The following DCC variants were observed in gnomAD, a reference collection of about 807,000 sequenced individuals.
DCC encodes the protein DCC netrin 1 receptor.
A neutral mutation model predicts 172.5 loss-of-function variants in DCC; 58 were observed. The observed-to-expected ratio is 0.34, with a 90% CI of 0.27 to 0.42. The LOEUF (loss-of-function observed/expected upper bound fraction) is 0.42, where lower values mean the gene tolerates loss of function less well. Ranked by LOEUF, DCC falls within the 10% of genes least tolerant of loss-of-function variation. The probability of loss-of-function intolerance (pLI) is 1.00; values close to 1 mark genes in which losing one functional copy is unlikely to be tolerated. For synonymous variants in DCC, 709 were observed against 644.5 expected, an observed-to-expected ratio of 1.10 and a Z score of -1.52; for missense variants, 1,740 against 1,791.0, an observed-to-expected ratio of 0.97 and a Z score of 0.51.
rs1166473438 is a variant in DCC, at chr18:52,523,259, A to C, written c.91+182381A>C. 2.0e-5 allele frequency among the ~76,000 whole-genome samples: 3 copies of C among 152,268 alleles called. No individual in the cohort carries two copies. In the East Asian group the frequency reaches 5.8e-4, roughly 29 times the overall value. ...GAACATGGAGATTTCTGGGTTTCCC[A>C]TCAGACATTTTGATTCTGGCACCCT... On this transcript the variant is annotated intron_variant, in intron 1 of 28. Transcript: ENST00000442544.
intron 5 of DCC, among the ~76,000 whole-genome samples, chr18:52,986,428 T>C (rs2145613294): frequency 6.6e-6 from 1 of 152,298 alleles, no homozygotes; most frequent in Admixed American, 6.5e-5. Context: ...TTTAAATCTC[T>C]GAGTCTTAGT....
chr18:53,370,896 T>C (rs2058054653), intron 15 of DCC, among the ~76,000 whole-genome samples: 1 of 151,854 alleles, frequency 6.6e-6, no homozygotes. Context: ...ATTTATCTTA[T>C]GATTCATGCT....
At chr18:53,202,290 A>G (rs778945477) in intron 9 of DCC, among the ~76,000 whole-genome samples, 1 of 152,214 alleles carries the variant, frequency 6.6e-6, no homozygotes, top group Non-Finnish European at 1.5e-5. Flanking sequence ...TCACAGGGAC[A>G]GAGAAAAACG....
intron 7 of DCC, among the ~76,000 whole-genome samples, chr18:53,128,850 C>CAT (rs2043604802): frequency 1.5e-5 from 1 of 68,666 alleles, no homozygotes; most frequent in Non-Finnish European, 2.8e-5. Context: ...CACACACACA[C>CAT]ACACACACAC....
chr18:52,755,526 A>G (rs1386172273), intron 2 of DCC, among the ~76,000 whole-genome samples: 1 of 152,190 alleles, frequency 6.6e-6, no homozygotes, highest in Non-Finnish European at 1.5e-5. Flanking sequence ...AACACTTACC[A>G]TGCTGTTTGG....
chr18:52,841,292 A>AT (rs1555671979), intron 2 of DCC, among the ~76,000 whole-genome samples: 5 of 139,988 alleles, frequency 3.6e-5, no homozygotes, highest in Non-Finnish European at 7.4e-5. Context: ...TGCTTAAAAA[A>AT]AAAACAACAC....
At chr18:52,743,357 G>C (rs1450431798) in intron 1 of DCC, among the ~76,000 whole-genome samples, 3 of 152,082 alleles carry the variant, frequency 2.0e-5, no homozygotes, top group Non-Finnish European at 4.4e-5. Flanking sequence ...TCAAACCCAG[G>C]GCAGATTAAG....
chr18:52,494,428 C>T lies in DCC; in HGVS notation c.91+153550C>T, dbSNP rs2030661501. Among the ~76,000 whole-genome samples, 4 of 151,782 alleles carry T rather than the reference C, an allele frequency of 2.6e-5. No homozygotes were observed. In the East Asian group the frequency reaches 5.8e-4, roughly 22 times the overall value. On this transcript the variant is annotated intron_variant, in intron 1 of 28. Coordinates refer to ENST00000442544, the MANE Select transcript of DCC (RefSeq NM_005215.4). ...TTATGTCTTCAAAGATTGCTTTTGC[C>T]TCATTTTCTTTCTCCTAATAGTATT...
chr18:52,879,966 A>G (rs888694527), intron 2 of DCC, among the ~76,000 whole-genome samples: 1 of 152,140 alleles, frequency 6.6e-6, no homozygotes, highest in African/African-American at 2.4e-5. Context: ...TGTGGTATGT[A>G]ATAATTATGT....
At chr18:52,887,585 T>G (rs1274082768) in intron 2 of DCC, among the ~76,000 whole-genome samples, 1 of 152,180 alleles carries the variant, frequency 6.6e-6, no homozygotes, top group East Asian at 1.9e-4. Context: ...ACGAATGTTT[T>G]AAAAAGTTGC....
intron 1 of DCC, among the ~76,000 whole-genome samples, chr18:52,616,555 G>A (rs1238301044): frequency 6.6e-6 from 1 of 151,996 alleles, no homozygotes; most frequent in Non-Finnish European, 1.5e-5. Flanking sequence ...AATTACATTT[G>A]CATTTGAGAG....
At chr18:52,547,802 C>T (rs1238892070) in intron 1 of DCC, among the ~76,000 whole-genome samples, 3 of 152,068 alleles carry the variant, frequency 2.0e-5, no homozygotes, top group East Asian at 1.9e-4. Context: ...GGACAATCAT[C>T]GGGACACATT....
chr18:53,408,707 T>C (rs1302590419), intron 19 of DCC, among the ~76,000 whole-genome samples: 1 of 152,204 alleles, frequency 6.6e-6, no homozygotes, highest in Non-Finnish European at 1.5e-5. Flanking sequence ...CAACATATCC[T>C]GTCTTGGGGT....
At chr18:52,420,427 C>T (rs1987208445) in intron 1 of DCC, among the ~76,000 whole-genome samples, 1 of 152,130 alleles carries the variant, frequency 6.6e-6, no homozygotes, top group Non-Finnish European at 1.5e-5. Context: ...AAGTATGGTC[C>T]ACAGTCTCCT....
intron 9 of DCC, among the ~76,000 whole-genome samples, chr18:53,200,079 G>A (rs536306769): frequency 6.6e-6 from 1 of 152,174 alleles, no homozygotes; most frequent in East Asian, 1.9e-4. Context: ...AATACTTAAA[G>A]TAAATGATCC....
chr18:52,480,800 C>G (rs1019200092), intron 1 of DCC, among the ~76,000 whole-genome samples: 1 of 152,024 alleles, frequency 6.6e-6, no homozygotes, highest in Non-Finnish European at 1.5e-5. Flanking sequence ...CCCTGTCATC[C>G]AAATTAGCCA....
chr18:52,847,216 T>C (rs1426221636), intron 2 of DCC, among the ~76,000 whole-genome samples: 4 of 152,232 alleles, frequency 2.6e-5, no homozygotes, highest in Non-Finnish European at 5.9e-5. Flanking sequence ...CTTGTATTAA[T>C]CTCTGTGTTT....
rs201234438 is a variant in DCC at position 52,923,718 on chromosome 18, C to T, written c.709C>T (p.His237Tyr). 6.0e-4 allele frequency: 970 copies of T among 1,606,710 alleles called. 20 individuals carry two copies. In the South Asian group the frequency reaches 0.01, roughly 17 times the overall value. The change falls in exon 4 of 29, where the codon CAT becomes TAT. Residue 237 changes from histidine to tyrosine, a missense_variant. By Grantham distance (83) the His-to-Tyr change is moderately conservative (BLOSUM62 2). This residue lies in a region of DCC where 1,732 missense variants were observed against 1,767.4 expected (regional missense o/e 0.98). Coordinates refer to ENST00000442544, the MANE Select transcript of DCC (RefSeq NM_005215.4). ...TTTTCCCCTCATAGATCCAGGACTG[C>T]ATAGACAGCTGTATTTTCTGCAAAG... ...EVRILSDPGLHRQLYFLQRPS... is the reference protein window; with the variant it reads ...EVRILSDPGLYRQLYFLQRPS...
rs76346406 is a variant in DCC at position 52,524,612 on chromosome 18, T to C, written c.91+183734T>C. ...CACATCTGACAATTATATTTCAATA[T>C]TTATTTTATAAAAATGAAGTTACTA... On this transcript the variant is annotated intron_variant, in intron 1 of 28. Coordinates refer to ENST00000442544, the MANE Select transcript of DCC (RefSeq NM_005215.4). 7.7e-4 allele frequency among the ~76,000 whole-genome samples: 117 copies of C among 152,318 alleles called. 1 individual carries two copies. The highest frequency in any genetic ancestry group is 3.9e-3 in the South Asian group (19 of 4,824).
Sources: allele counts gnomAD v4.1 joint callset (sites outside exome capture counted in the v4.1 genomes callset), GRCh38; gene constraint gnomAD v4.1.1; regional missense constraint gnomAD v4.1.1; transcripts MANE v1.5; gene names NCBI Gene and HGNC (gene_info 2026-07-23, HGNC 2026-07-21).